Variants in KCNG2 observed in about 807,000 individuals in gnomAD.
The protein encoded by KCNG2 is potassium voltage-gated channel modifier subfamily G member 2.
A neutral mutation model predicts 12.3 loss-of-function variants in KCNG2; 7 were observed. The ratio of observed to expected loss-of-function variants is 0.57; its 90% confidence interval spans 0.32 to 1.07. KCNG2 has a LOEUF of 1.07. KCNG2 is among the 50% of genes least tolerant of loss of function. The probability of loss-of-function intolerance (pLI) is 0.04; values close to 1 mark genes in which losing one functional copy is unlikely to be tolerated. For synonymous variants in KCNG2, 414 were observed against 351.4 expected (o/e 1.18, Z -1.99); for missense variants, 703 against 726.0 (o/e 0.97, Z 0.36).
intron 3 of KCNG2, among the ~76,000 whole-genome samples, chr18:79,874,989 C>T (rs1245645571): frequency 6.6e-6 from 1 of 152,132 alleles, no homozygotes; most frequent in Non-Finnish European, 1.5e-5. Context: ...GCTCAGAAAG[C>T]CACACCCCAG....
At chr18:79,892,659 T>C (rs1009776704) in intron 3 of KCNG2, among the ~76,000 whole-genome samples, 1 of 152,160 alleles carries the variant, frequency 6.6e-6, no homozygotes, top group Admixed American at 6.5e-5. Context: ...ATGTTACGAT[T>C]GGTATAGTTG....
chr18:79,800,618 C>T lies in KCNG2; in HGVS notation c.-115+2604C>T, dbSNP rs1340838981. Reference sequence around the variant, plus strand: ...AGGCACTCAGGGTCCTTGCTGGTGTCGGAGAAACAGCACTGGCTCCTTCAC... The same window carrying T: ...AGGCACTCAGGGTCCTTGCTGGTGTTGGAGAAACAGCACTGGCTCCTTCAC... On this transcript the variant is annotated intron_variant, in intron 1 of 3. Coordinates refer to ENST00000316249, the MANE Select transcript of KCNG2 (RefSeq NM_012283.2). This position sits in a 1 kb window ranked among gnomAD's most constrained non-coding sequence, Gnocchi z 4.0. Among the ~76,000 whole-genome samples, 1 of 152,202 alleles carries T rather than the reference C, an allele frequency of 6.6e-6. No individual in the cohort carries two copies. The highest frequency in any genetic ancestry group is 6.5e-5 in the Admixed American group (1 of 15,286).
intron 1 of KCNG2, among the ~76,000 whole-genome samples, chr18:79,810,656 T>G (rs1221593782): frequency 6.6e-6 from 1 of 152,050 alleles, no homozygotes; most frequent in Non-Finnish European, 1.5e-5. Flanking sequence ...TGCAGCTACT[T>G]GGGATGCTGA....
At chr18:79,840,702 TATA>T (rs1568252399) in intron 1 of KCNG2, among the ~76,000 whole-genome samples, 2 of 152,222 alleles carry the variant, frequency 1.3e-5, no homozygotes, top group Non-Finnish European at 2.9e-5. Context: ...GTTATATAGC[TATA>T]ATAATTGACA....
chr18:79,834,634 T>A (rs1049843527), intron 1 of KCNG2, among the ~76,000 whole-genome samples: 2 of 152,102 alleles, frequency 1.3e-5, no homozygotes, highest in African/African-American at 2.4e-5. Context: ...AGGAAACCAG[T>A]GTATCAAGTG....
At chr18:79,865,388 G>C (rs1329086049) in intron 3 of KCNG2, among the ~76,000 whole-genome samples, 2 of 143,396 alleles carry the variant, frequency 1.4e-5, no homozygotes, top group Non-Finnish European at 3.0e-5. Context: ...TGGGTGCTGA[G>C]GTGTGGGTGC....
chr18:79,805,354 G>A (rs925996359), intron 1 of KCNG2, among the ~76,000 whole-genome samples: 3 of 152,168 alleles, frequency 2.0e-5, no homozygotes, highest in Admixed American at 1.3e-4. Context: ...AAACACACGC[G>A]TGGCAGGAGG....
intron 2 of KCNG2, among the ~76,000 whole-genome samples, chr18:79,861,108 C>A (rs923516011): frequency 6.6e-6 from 1 of 152,066 alleles, no homozygotes; most frequent in African/African-American, 2.4e-5. Flanking sequence ...TATAAATGAG[C>A]GTATTATAGT....
intron 1 of KCNG2, among the ~76,000 whole-genome samples, chr18:79,798,892 G>C (rs991635600): frequency 6.6e-6 from 1 of 152,200 alleles, no homozygotes; most frequent in Non-Finnish European, 1.5e-5. Context: ...GAGACCCTGG[G>C]GCATTCTGCG....
intron 2 of KCNG2, among the ~76,000 whole-genome samples, chr18:79,858,434 G>C (rs1979098378): frequency 6.6e-6 from 1 of 152,234 alleles, no homozygotes; most frequent in Non-Finnish European, 1.5e-5. Flanking sequence ...TAACATTCCT[G>C]TATGGAGGCC....
At chr18:79,896,469 C>A (rs1168091624) in intron 3 of KCNG2, among the ~76,000 whole-genome samples, 1 of 152,136 alleles carries the variant, frequency 6.6e-6, no homozygotes, top group African/African-American at 2.4e-5. Flanking sequence ...GTTGCTTTTG[C>A]TTCACTGTCA....
chr18:79,892,447 G>A (rs2123127457), intron 3 of KCNG2, among the ~76,000 whole-genome samples: 2 of 152,302 alleles, frequency 1.3e-5, no homozygotes, highest in Middle Eastern at 3.4e-3. Flanking sequence ...TGTGTCTCCT[G>A]TAGACAACAT....
intron 1 of KCNG2, among the ~76,000 whole-genome samples, chr18:79,840,874 A>G (rs563107782): frequency 6.1e-4 from 93 of 152,308 alleles, no homozygotes; most frequent in African/African-American, 2.2e-3. Flanking sequence ...TAAGACATCC[A>G]TAAGCCAAAA....
intron 3 of KCNG2, among the ~76,000 whole-genome samples, chr18:79,896,423 T>C (rs1184136400): frequency 1.3e-5 from 2 of 152,264 alleles, no homozygotes; most frequent in East Asian, 3.8e-4. Context: ...TTTTCTCCCT[T>C]TTGGTGCGAT....
chr18:79,898,987 C>G, intron 3 of KCNG2, 53 bp from the exon 4 acceptor site: 1 of 1,353,162 alleles, frequency 7.4e-7, no homozygotes, highest in Middle Eastern at 2.1e-4. Context: ...GCAAGGCGCC[C>G]CCGGCCCTCC....
chr18:79,859,714 G>A (rs1270205849), intron 2 of KCNG2, among the ~76,000 whole-genome samples: 1 of 152,194 alleles, frequency 6.6e-6, no homozygotes, highest in Non-Finnish European at 1.5e-5. Context: ...ATAACCGTTT[G>A]TTGGAGACAC....
intron 1 of KCNG2, among the ~76,000 whole-genome samples, chr18:79,811,396 T>C (rs2087493257): frequency 3.3e-5 from 5 of 152,196 alleles, no homozygotes; most frequent in South Asian, 4.1e-4. Context: ...TGGAATACAA[T>C]TGCAATTCTA....
intron 1 of KCNG2, among the ~76,000 whole-genome samples, chr18:79,852,687 C>T (rs1978867083): frequency 6.6e-6 from 1 of 152,250 alleles, no homozygotes; most frequent in Non-Finnish European, 1.5e-5. Flanking sequence ...GGGCCACCCT[C>T]TGGAGATGAG....
At position 79,895,451 on chromosome 18, in the gene KCNG2, T is replaced by C. The variant is rs575157752; in HGVS notation, c.625-3589T>C. 7.2e-5 allele frequency among the ~76,000 whole-genome samples: 11 copies of C among 152,286 alleles called. No homozygotes were observed. The East Asian group carries it at 1.2e-3, about 16-fold the overall frequency. On this transcript the variant is annotated intron_variant, in intron 3 of 3. Coordinates refer to ENST00000316249, the MANE Select transcript of KCNG2 (RefSeq NM_012283.2). ...ACTCCATTCATAACGATTGATATAG[T>C]TGGGTCTGTGTCTGCCTTTGATTGG...
Sources: gnomAD v4.1 joint callset for allele counts (sites outside exome capture counted in the v4.1 genomes callset) on GRCh38, gnomAD v4.1.1 for gene constraint, Gnocchi (gnomAD v3.1) non-coding constraint, MANE v1.5 for transcripts, NCBI Gene and HGNC (gene_info 2026-07-23, HGNC 2026-07-21) for gene names.